The following ARHGAP10 variants were observed in gnomAD, a reference collection of about 807,000 sequenced individuals.
ARHGAP10 encodes the protein Rho GTPase activating protein 10, also known as rho GTPase-activating protein 10.
ARHGAP10 carries 87 observed loss-of-function variants against 108.6 expected under a neutral mutation model. That is an observed-to-expected ratio of 0.80 (90% CI 0.67 to 0.96). The LOEUF is 0.96. ARHGAP10 is among the 40% of genes least tolerant of loss of function. The pLI is 0.00. For synonymous variants in ARHGAP10, 347 were observed against 341.1 expected, an observed-to-expected ratio of 1.02 and a Z score of -0.19; for missense variants, 939 against 954.5, an observed-to-expected ratio of 0.98 and a Z score of 0.21.
In ARHGAP10 at chr4:147,990,658, A is replaced by G. The variant is rs556987861; in HGVS notation, c.1716+23819A>G. Among the ~76,000 whole-genome samples, 3 of 152,336 alleles carry G rather than the reference A, an allele frequency of 2.0e-5. No individual in the cohort carries two copies. The East Asian group carries it at 5.8e-4, about 29-fold the overall frequency. The stretch of plus-strand genomic sequence containing the variant: ...ACATGGATGGAGCTGGAGGTCTATT[A>G]AGTGAACTAACATAGGAACAGAAAA... On this transcript the variant is annotated intron_variant, in intron 18 of 22. Transcript: ENST00000336498.
intron 1 of ARHGAP10, among the ~76,000 whole-genome samples, chr4:147,800,314 C>T (rs759415888): frequency 2.1e-4 from 32 of 152,190 alleles, no homozygotes; most frequent in East Asian, 1.2e-3. Context: ...CTGTGCCCCA[C>T]GGTTTTCCTC....
intron 7 of ARHGAP10, among the ~76,000 whole-genome samples, chr4:147,870,078 G>A (rs137976507): frequency 1.7e-3 from 259 of 148,706 alleles, no homozygotes; most frequent in Admixed American, 3.8e-3. Flanking sequence ...AGGGAGTCTC[G>A]CCCTGTCACC....
chr4:147,869,118 C>G (rs1410747737), intron 7 of ARHGAP10, among the ~76,000 whole-genome samples: 2 of 152,014 alleles, frequency 1.3e-5, no homozygotes, highest in Non-Finnish European at 2.9e-5. Flanking sequence ...AGATAGTGCC[C>G]CTTATTTAGA....
chr4:147,873,213 T>C (rs1052371414), intron 7 of ARHGAP10, among the ~76,000 whole-genome samples: 1 of 152,140 alleles, frequency 6.6e-6, no homozygotes, highest in Non-Finnish European at 1.5e-5. Flanking sequence ...GGGTACCTTA[T>C]TGGACCAGAA....
intron 3 of ARHGAP10, among the ~76,000 whole-genome samples, chr4:147,823,478 C>A (rs572409458): frequency 1.4e-4 from 22 of 152,216 alleles, no homozygotes; most frequent in Non-Finnish European, 1.2e-4. Context: ...CTACCCTTGG[C>A]CAGGCATGGT....
At chr4:147,863,892 C>A (rs188908322) in intron 5 of ARHGAP10, 1 of 152,320 alleles carries the variant, frequency 6.6e-6, no homozygotes, top group East Asian at 1.9e-4. Context: ...TTCTTGACAT[C>A]CTCACCAACA....
rs1730758924 is a variant in ARHGAP10, at chr4:147,784,695, TTA to T, written c.155-38029_155-38028del. ...ATATATTATAAATATAAAATATATA[TTA>T]TAAAATATATATTATAAATATAATA... On this transcript the variant is annotated intron_variant, in intron 1 of 22. Coordinates refer to ENST00000336498, the MANE Select transcript of ARHGAP10 (RefSeq NM_024605.4). Among the ~76,000 whole-genome samples, 2 of 90,480 alleles carry T rather than the reference TTA, an allele frequency of 2.2e-5. 1 individual carries two copies. The highest frequency in any genetic ancestry group is 8.7e-5 in the African/African-American group (2 of 22,958). 59.4% of individuals were successfully genotyped at this position (90,480 alleles called of 152,430 possible).
chr4:147,899,160 G>C (rs1205289956), intron 10 of ARHGAP10, among the ~76,000 whole-genome samples: 1 of 152,166 alleles, frequency 6.6e-6, no homozygotes, highest in Admixed American at 6.5e-5. Flanking sequence ...GGCGGGTTCA[G>C]ACTCTCTGTG....
chr4:147,837,697 G>C (rs1170962382), intron 3 of ARHGAP10, among the ~76,000 whole-genome samples: 1 of 119,978 alleles, frequency 8.3e-6, no homozygotes, highest in African/African-American at 2.8e-5. Context: ...TCTTGGATGG[G>C]ACCATCTCAT....
chr4:147,849,594 A>G (rs1013448952), intron 4 of ARHGAP10, among the ~76,000 whole-genome samples: 1 of 152,200 alleles, frequency 6.6e-6, no homozygotes, highest in African/African-American at 2.4e-5. Context: ...CAACATTTTG[A>G]TCTTTCCCCG....
intron 1 of ARHGAP10, among the ~76,000 whole-genome samples, chr4:147,794,813 T>G (rs1731248639): frequency 6.6e-6 from 1 of 152,212 alleles, no homozygotes; most frequent in Non-Finnish European, 1.5e-5. Context: ...TAGTGTTTTT[T>G]GAAACATGAT....
At chr4:147,915,901 C>A (rs1424409587) in intron 13 of ARHGAP10, among the ~76,000 whole-genome samples, 1 of 152,014 alleles carries the variant, frequency 6.6e-6, no homozygotes, top group Non-Finnish European at 1.5e-5. Flanking sequence ...CCCAAGAGTT[C>A]AAGACCAGTC....
At chr4:147,970,442 A>G (rs1019427915) in intron 18 of ARHGAP10, among the ~76,000 whole-genome samples, 1 of 152,048 alleles carries the variant, frequency 6.6e-6, no homozygotes, top group African/African-American at 2.4e-5. Context: ...GGGAGGGTGC[A>G]AAAAAGGAAG....
chr4:147,977,328 C>G (rs528107674), intron 18 of ARHGAP10, among the ~76,000 whole-genome samples: 8 of 151,860 alleles, frequency 5.3e-5, no homozygotes, highest in Non-Finnish European at 8.8e-5. Flanking sequence ...AAGGCACCAT[C>G]AGGTGCCTTT....
chr4:147,909,870 T>C, intron 12 of ARHGAP10, 93 bp downstream of exon 12: 1 of 1,243,920 alleles, frequency 8.0e-7, no homozygotes, highest in South Asian at 1.3e-5. Context: ...GGGAGCTTAC[T>C]CTCTGCACCC....
Position 148,068,399 on chromosome 4 carries a change from A to C in ARHGAP10, c.2273-3594A>C, listed in dbSNP as rs561970979. ...AGATAGACACAGAATAATCCCTGGAAAACAATTTGGCATTATCTTGGAAAG... is the reference window on the plus strand; with the variant it reads ...AGATAGACACAGAATAATCCCTGGACAACAATTTGGCATTATCTTGGAAAG... On this transcript the variant is annotated intron_variant, in intron 22 of 22. Coordinates refer to ENST00000336498, the MANE Select transcript of ARHGAP10 (RefSeq NM_024605.4). 2.7e-4 allele frequency among the ~76,000 whole-genome samples: 41 copies of C among 152,270 alleles called. 1 individual carries two copies. The highest frequency in any genetic ancestry group is 9.9e-4 in the African/African-American group (41 of 41,546).
chr4:148,048,012 G>C (rs1047488451), intron 20 of ARHGAP10, among the ~76,000 whole-genome samples: 1 of 152,002 alleles, frequency 6.6e-6, no homozygotes, highest in South Asian at 2.1e-4. Flanking sequence ...TAGTAGAGAC[G>C]GGGTTTCACC....
At chr4:147,854,079 T>C (rs1349527703) in intron 4 of ARHGAP10, among the ~76,000 whole-genome samples, 1 of 152,260 alleles carries the variant, frequency 6.6e-6, no homozygotes, top group Non-Finnish European at 1.5e-5. Context: ...CTACCATTTA[T>C]ATAACGTATG....
rs765717961 is a variant in ARHGAP10 at position 147,955,300 on chromosome 4, T to G, written c.1392-16T>G. Reference sequence around the variant, plus strand: ...TTGGATTTATTTGATAATTCTGAGCTGTTCTTTTCACACAGGAGTCTTCCA... The same window carrying G: ...TTGGATTTATTTGATAATTCTGAGCGGTTCTTTTCACACAGGAGTCTTCCA... On this transcript the variant is annotated splice_polypyrimidine_tract_variant and intron_variant, in intron 15 of 22. Transcript: ENST00000336498. 7 of 1,603,820 alleles carry G rather than the reference T, an allele frequency of 4.4e-6. No homozygotes were observed. The highest frequency in any genetic ancestry group is 4.3e-6 in the Non-Finnish European group (5 of 1,173,592).
Sources: allele counts gnomAD v4.1 joint callset (sites outside exome capture counted in the v4.1 genomes callset), GRCh38; gene constraint gnomAD v4.1.1; transcripts MANE v1.5; gene names NCBI Gene and HGNC (gene_info 2026-07-23, HGNC 2026-07-21).